The following KIAA1549L variants were observed in gnomAD, a reference collection of about 807,000 sequenced individuals.
KIAA1549L encodes the protein UPF0606 protein KIAA1549L.
In KIAA1549L, 88 loss-of-function variants were observed where a neutral mutation model predicts 160.7. The observed-to-expected ratio is 0.55, with a 90% CI of 0.46 to 0.65. KIAA1549L has a LOEUF of 0.65. Ranked by LOEUF, KIAA1549L falls within the 30% of genes least tolerant of loss-of-function variation. KIAA1549L has a pLI of 0.00. For missense variants in KIAA1549L, 2,258 were observed against 2,437.5 expected, an observed-to-expected ratio of 0.93 and a Z score of 1.55; for synonymous variants, 950 against 976.7, an observed-to-expected ratio of 0.97 and a Z score of 0.51.
chr11:33,630,437 G>A (rs1202379086), intron 16 of KIAA1549L, among the ~76,000 whole-genome samples: 8 of 151,920 alleles, frequency 5.3e-5, no homozygotes, highest in East Asian at 1.9e-4. Flanking sequence ...GCGAGACTCC[G>A]TGGGCGTAGG....
intron 17 of KIAA1549L, among the ~76,000 whole-genome samples, chr11:33,655,700 G>A (rs1348632586): frequency 6.6e-6 from 1 of 152,152 alleles, no homozygotes; most frequent in African/African-American, 2.4e-5. Context: ...TGAATGAAAT[G>A]AAGCGTGAAG....
intron 1 of KIAA1549L, among the ~76,000 whole-genome samples, chr11:33,491,927 C>T (rs1193995456): frequency 4.6e-5 from 7 of 152,094 alleles, no homozygotes; most frequent in African/African-American, 9.7e-5. Context: ...TTGTAGAGGG[C>T]GAGGTCTAGG....
chr11:33,528,261 C>T lies in KIAA1549L; in HGVS notation c.239-13541C>T, dbSNP rs2615933. Among the ~76,000 whole-genome samples the T allele has an allele frequency of 6.9e-3, 1,055 of 152,260 alleles. 18 individuals are homozygous for T. The highest frequency in any genetic ancestry group is 0.024 in the African/African-American group (1,011 of 41,534). On this transcript the variant is annotated intron_variant, in intron 1 of 20. Coordinates refer to ENST00000658780, the MANE Select transcript of KIAA1549L (RefSeq NM_012194.3). ...TCACTAATTATCAGAGAATGCACAT[C>T]AAAACCACAATGCAATACCACCTTA...
chr11:33,626,348 G>A (rs1211336318), intron 16 of KIAA1549L, among the ~76,000 whole-genome samples: 3 of 146,608 alleles, frequency 2.0e-5, no homozygotes, highest in East Asian at 4.0e-4. Flanking sequence ...AATTACCTTG[G>A]GCAGTATGGC....
At chr11:33,593,669 G>A (rs1458751658) in intron 12 of KIAA1549L, among the ~76,000 whole-genome samples, 1 of 152,210 alleles carries the variant, frequency 6.6e-6, no homozygotes, top group African/African-American at 2.4e-5. Flanking sequence ...AGTGACAGAA[G>A]TGGAGAGGAG....
At chr11:33,465,349 C>CTAT (rs1852034284) in intron 1 of KIAA1549L, among the ~76,000 whole-genome samples, 1 of 152,052 alleles carries the variant, frequency 6.6e-6, no homozygotes, top group Non-Finnish European at 1.5e-5. Context: ...CCACCGTGCC[C>CTAT]GGCCCCAGGG....
chr11:33,527,663 A>C (rs1853644465), intron 1 of KIAA1549L, among the ~76,000 whole-genome samples: 1 of 152,222 alleles, frequency 6.6e-6, no homozygotes, highest in Non-Finnish European at 1.5e-5. Flanking sequence ...GAATGTGAGA[A>C]AATATTCACA....
Position 33,376,175 on chromosome 11 carries a change from T to C in KIAA1549L, c.-477T>C, listed in dbSNP as rs1590207291. 6.7e-6 allele frequency among the ~76,000 whole-genome samples: 1 copy of C among 149,458 alleles called. No homozygotes were observed. Among genetic ancestry groups the C allele is most frequent in the African/African-American group, 2.4e-5 (1 of 41,210 alleles). ...CGGGAACCCGAGCCGGAGCCGGGGC[T>C]GGAACCCGAAGCCCAGCGAGGAGCG... is the stretch of plus-strand genomic sequence containing the variant. On this transcript the variant is annotated 5_prime_UTR_variant, in exon 1 of 21. Transcript: ENST00000658780. The surrounding 1 kb of genome is among the most constrained non-coding windows in gnomAD (Gnocchi z 5.8).
intron 11 of KIAA1549L, among the ~76,000 whole-genome samples, chr11:33,587,905 G>A (rs775907460): frequency 2.8e-4 from 42 of 152,172 alleles, no homozygotes; most frequent in Non-Finnish European, 4.6e-4. Flanking sequence ...GGCCATGTAC[G>A]GCAGGAGATG....
intron 13 of KIAA1549L, among the ~76,000 whole-genome samples, chr11:33,605,256 G>A (rs191881767): frequency 6.6e-6 from 1 of 152,208 alleles, no homozygotes. Flanking sequence ...TGGTTACACA[G>A]GTCAGTCCCA....
At chr11:33,467,977 A>G (rs148298593) in intron 1 of KIAA1549L, among the ~76,000 whole-genome samples, 209 of 152,368 alleles carry the variant, frequency 1.4e-3, no homozygotes, top group African/African-American at 4.8e-3. Context: ...CCACCCTGTC[A>G]TTAATTCCCT....
intron 12 of KIAA1549L, among the ~76,000 whole-genome samples, chr11:33,592,743 C>A (rs1438552060): frequency 1.3e-5 from 2 of 152,142 alleles, no homozygotes; most frequent in Non-Finnish European, 2.9e-5. Context: ...AACCAAAGCA[C>A]AGTTAAGGGA....
chr11:33,607,281 T>C (rs1850531719), intron 14 of KIAA1549L, among the ~76,000 whole-genome samples: 1 of 152,142 alleles, frequency 6.6e-6, no homozygotes, highest in African/African-American at 2.4e-5. Flanking sequence ...ATGACATTTA[T>C]TCCTTTGAGC....
chr11:33,596,718 G>A (rs1850210707), intron 12 of KIAA1549L, among the ~76,000 whole-genome samples: 1 of 152,188 alleles, frequency 6.6e-6, no homozygotes, highest in Non-Finnish European at 1.5e-5. Flanking sequence ...CAGGCTGGGT[G>A]ACAGATCAAG....
chr11:33,454,776 G>A (rs1013104452), intron 1 of KIAA1549L, among the ~76,000 whole-genome samples: 2 of 152,096 alleles, frequency 1.3e-5, no homozygotes, highest in South Asian at 2.1e-4. Flanking sequence ...AGGAATTGCC[G>A]CTTCAAAATA....
Position 33,672,128 on chromosome 11 carries a change from A to G in KIAA1549L, c.*3974A>G, listed in dbSNP as rs1852689747. 6.6e-6 allele frequency: 1 copy of G among 152,246 alleles called. No individual in the cohort carries two copies. Among genetic ancestry groups the G allele is most frequent in the Admixed American group, 6.5e-5 (1 of 15,274 alleles). 9.4% of individuals were successfully genotyped at this position (152,246 alleles called of 1,614,324 possible). A position where few individuals can be genotyped will look rare whatever the true frequency, so the allele number is the denominator to read the frequency against. On this transcript the variant is annotated 3_prime_UTR_variant, in exon 21 of 21. Coordinates refer to ENST00000658780, the MANE Select transcript of KIAA1549L (RefSeq NM_012194.3). ...GCTCCCCTACAGGAAAGGGATGGAG[A>G]CAGCTACCTTTGCTCTTGCTCTCAC... is the stretch of plus-strand genomic sequence containing the variant.
chr11:33,423,273 A>G (rs907934888), intron 1 of KIAA1549L, among the ~76,000 whole-genome samples: 34 of 152,238 alleles, frequency 2.2e-4, no homozygotes, highest in Admixed American at 1.3e-3. Flanking sequence ...GAGCCACATG[A>G]ATTCTGCTAA....
intron 1 of KIAA1549L, among the ~76,000 whole-genome samples, chr11:33,532,135 C>T (rs749103825): frequency 7.2e-5 from 11 of 152,286 alleles, no homozygotes; most frequent in Middle Eastern, 3.4e-3. Flanking sequence ...ACTAAGCCAG[C>T]CCTTGCCCTC....
rs1243221356 is a variant in KIAA1549L, at chr11:33,559,895, G to A, written c.4002G>A (p.Pro1334=). Residue 1334 remains proline (P), a synonymous_variant, in exon 7 of 21, where the codon CCG becomes CCA. Coordinates refer to ENST00000658780, the MANE Select transcript of KIAA1549L (RefSeq NM_012194.3). The stretch of plus-strand genomic sequence containing the variant: ...TGGGATTCTACCTCACCTATCCGCC[G>A]CTAACCATTGCTGAACGTGAGTATG... The part of the protein sequence containing the change: ...ELVGFYLTYP[P]LTIAEPLEYP... The A allele has an allele frequency of 5.6e-6, 9 of 1,613,790 alleles. No individual in the cohort carries two copies. The highest frequency in any genetic ancestry group is 1.7e-5 in the Admixed American group (1 of 60,000).
Sources: allele counts gnomAD v4.1 joint callset (sites outside exome capture counted in the v4.1 genomes callset), GRCh38; gene constraint gnomAD v4.1.1; non-coding constraint Gnocchi (gnomAD v3.1); transcripts MANE v1.5; gene names NCBI Gene and HGNC (gene_info 2026-07-23, HGNC 2026-07-21).